The following IL13RA1 variants were observed in gnomAD, a reference collection of about 807,000 sequenced individuals.
The protein encoded by IL13RA1 is interleukin-13 receptor subunit alpha-1.
Under a neutral mutation model 33.8 loss-of-function variants are expected in IL13RA1, and 14 were observed. That is an observed-to-expected ratio of 0.41 (90% CI 0.27 to 0.65). IL13RA1 has a LOEUF of 0.65. Among genes scored for constraint, IL13RA1 ranks in the 30% least tolerant of loss-of-function variants. The pLI is 0.28. For synonymous variants in IL13RA1, 116 were observed against 115.7 expected, an observed-to-expected ratio of 1.00 and a Z score of -0.02; for missense variants, 313 against 327.0, an observed-to-expected ratio of 0.96 and a Z score of 0.33.
At chrX:118,764,896 A>G (rs1031941361) in intron 6 of IL13RA1, among the ~76,000 whole-genome samples, 2 of 111,548 alleles carry the variant, frequency 1.8e-5, no homozygotes, top group Non-Finnish European at 3.8e-5. Context: ...ACTGAGTTAT[A>G]ATACATGAAC....
At chrX:118,739,255 T>G (rs1741038300) in intron 1 of IL13RA1, among the ~76,000 whole-genome samples, 1 of 112,165 alleles carries the variant, frequency 8.9e-6, no homozygotes, top group South Asian at 3.7e-4. Flanking sequence ...GTCAAGGGCC[T>G]TTGTAGACTG....
intron 6 of IL13RA1, among the ~76,000 whole-genome samples, chrX:118,763,780 G>T (rs1336427571): frequency 1.8e-5 from 2 of 110,058 alleles, no homozygotes; most frequent in Non-Finnish European, 3.8e-5. Context: ...ATAATGTCAT[G>T]TGCACAATCA....
In IL13RA1 at chrX:118,757,524, C is replaced by CAAA. The variant is rs1166805158; in HGVS notation, c.489-513_489-511dup. 2.5e-3 allele frequency among the ~76,000 whole-genome samples: 83 copies of CAAA among 32,658 alleles called. 2 individuals carry two copies. The highest frequency in any genetic ancestry group is 5.7e-3 in the African/African-American group (52 of 9,159). 28.4% of individuals were successfully genotyped at this position (32,658 alleles called of 115,157 possible). A position where few individuals can be genotyped will look rare whatever the true frequency, so the allele number is the denominator to read the frequency against. ...GGGCAGACAGAGTGAGACTCTGTCT[C>CAAA]AAAAAAAAAAAAAAAAAAAAGCAGA... is the stretch of plus-strand genomic sequence containing the variant. On this transcript the variant is annotated intron_variant, in intron 4 of 10. Transcript: ENST00000371666.
the IL13RA1 span, among the ~76,000 whole-genome samples, chrX:118,800,950 C>A: frequency 1.8e-5 from 2 of 111,048 alleles, no homozygotes; most frequent in African/African-American, 6.6e-5. Context: ...CCATGCTCAG[C>A]TGTTAATTTT....
At chrX:118,781,564 C>T (rs2017843722) in intron 10 of IL13RA1, among the ~76,000 whole-genome samples, 1 of 111,983 alleles carries the variant, frequency 8.9e-6, no homozygotes, top group African/African-American at 3.2e-5. Context: ...GTTGGCCAGG[C>T]TGGTCTCGAA....
intron 10 of IL13RA1, among the ~76,000 whole-genome samples, chrX:118,779,594 A>G (rs1312941176): frequency 9.0e-6 from 1 of 111,606 alleles, no homozygotes. Flanking sequence ...CTCTCTCTCT[A>G]CCTTTCTAAA....
intron 8 of IL13RA1, among the ~76,000 whole-genome samples, chrX:118,768,278 A>G (rs2017671694): frequency 8.9e-6 from 1 of 112,306 alleles, no homozygotes; most frequent in Admixed American, 9.4e-5. Context: ...AAATTACTCC[A>G]AAGTTTAATG....
At chrX:118,751,365 A>C (rs760921363) in intron 4 of IL13RA1, among the ~76,000 whole-genome samples, 2 of 112,204 alleles carry the variant, frequency 1.8e-5, no homozygotes, top group East Asian at 5.6e-4. Flanking sequence ...CAAAAAACAT[A>C]TCTCTTCTCT....
intron 10 of IL13RA1, among the ~76,000 whole-genome samples, chrX:118,780,258 A>C (rs1205688889): frequency 2.7e-5 from 3 of 112,599 alleles, no homozygotes; most frequent in Admixed American, 9.4e-5. Context: ...GCATCATTGA[A>C]TTATTGAATG....
chrX:118,798,607 C>A (rs2018045127), downstream of IL13RA1, among the ~76,000 whole-genome samples: 1 of 112,559 alleles, frequency 8.9e-6, no homozygotes, highest in Admixed American at 9.4e-5. Context: ...ATTCCCTCCA[C>A]TTCCAGCTTC....
intron 2 of IL13RA1, among the ~76,000 whole-genome samples, chrX:118,742,914 G>A (rs1158338523): frequency 9.0e-6 from 1 of 111,333 alleles, no homozygotes; most frequent in Non-Finnish European, 1.9e-5. Context: ...CCACTTTTAT[G>A]GGTCAAAATG....
At chrX:118,776,541 G>GTTT (rs5903529) in intron 10 of IL13RA1, 30 bp downstream of exon 10, 5,564 of 212,858 alleles carry the variant, frequency 0.026, 38 homozygotes, top group South Asian at 0.038. Context: ...GGCTTGAAAT[G>GTTT]TTTTTTTTTT....
At chrX:118,770,482 G>C (rs772921000) in intron 8 of IL13RA1, 8 of 470,934 alleles carry the variant, frequency 1.7e-5, no homozygotes, top group Non-Finnish European at 2.7e-5. Flanking sequence ...GCTGGTCTAC[G>C]ACAAGCTCAG....
chrX:118,761,648 A>G (rs1181006939), intron 6 of IL13RA1: 2 of 119,579 alleles, frequency 1.7e-5, no homozygotes, highest in African/African-American at 6.4e-5. Flanking sequence ...CATGAAACCT[A>G]CATAATAGAA....
At chrX:118,740,990 A>ATTT in intron 1 of IL13RA1, 27 bp from the exon 2 acceptor site, 1 of 1,019,588 alleles carries the variant, frequency 9.8e-7, no homozygotes, top group Non-Finnish European at 1.4e-6. Context: ...TGATAAATTC[A>ATTT]TTTTTTTTTG....
rs771275979 is a variant in IL13RA1 at position 118,741,152 on chromosome X, A to G, written c.224A>G (p.Asp75Gly). Reference sequence around the variant, plus strand: ...TTTAGTCATTTTGGCGACAAACAAGATAAGGTAAGTTTTCTGCAACATGTT... The same window carrying G: ...TTTAGTCATTTTGGCGACAAACAAGGTAAGGTAAGTTTTCTGCAACATGTT... Reference protein sequence around the residue: ...WYFSHFGDKQDKKIAPETRRS... With the variant: ...WYFSHFGDKQGKKIAPETRRS... Residue 75 changes from aspartate (D) to glycine (G), a missense_variant, in exon 2 of 11, where the codon GAT becomes GGT. By Grantham distance (94) the Asp-to-Gly change is moderately conservative (BLOSUM62 -1). Coordinates refer to ENST00000371666, the MANE Select transcript of IL13RA1 (RefSeq NM_001560.3). The G allele has an allele frequency of 1.7e-6, 2 of 1,156,509 alleles. No homozygotes were observed. Among genetic ancestry groups the G allele is most frequent in the Admixed American group, 4.4e-5 (2 of 45,655 alleles).
At chrX:118,734,842 G>A (rs1481944928) in intron 1 of IL13RA1, among the ~76,000 whole-genome samples, 1 of 111,670 alleles carries the variant, frequency 9.0e-6, no homozygotes. Flanking sequence ...AATGAGTTAC[G>A]AAGTTTGAGA....
chrX:118,747,068 GA>G lies in IL13RA1; in HGVS notation c.348del (p.Lys116AsnfsTer14). 1 of 1,171,122 alleles carries G rather than the reference GA, an allele frequency of 8.5e-7. No homozygotes were observed. Among genetic ancestry groups the G allele is most frequent in the Non-Finnish European group, 1.2e-6 (1 of 861,409 alleles). ...GAGTGAGAAGCCTAGCATTTTGGTTGAAAAATGCATCTCACCCCCAGAAGGT... is the reference window on the plus strand; with the variant it reads ...GAGTGAGAAGCCTAGCATTTTGGTTGAAAATGCATCTCACCCCCAGAAGGT... ...NESEKPSILV[E>X]KCISPPEGDP... On this transcript the variant is annotated frameshift_variant, in exon 3 of 11. Coordinates refer to ENST00000371666, the MANE Select transcript of IL13RA1 (RefSeq NM_001560.3). LOFTEE classifies it high-confidence loss of function.
intron 10 of IL13RA1, among the ~76,000 whole-genome samples, chrX:118,786,551 G>A (rs1302472416): frequency 8.9e-6 from 1 of 111,942 alleles, no homozygotes; most frequent in East Asian, 2.8e-4. Context: ...GTTCATTTTT[G>A]TATGAAATCA....
Sources: gnomAD v4.1 joint callset for allele counts (sites outside exome capture counted in the v4.1 genomes callset) on GRCh38, gnomAD v4.1.1 for gene constraint, MANE v1.5 for transcripts, NCBI Gene and HGNC (gene_info 2026-07-23, HGNC 2026-07-21) for gene names.